The following ERC2 variants were observed in gnomAD, a reference collection of about 807,000 sequenced individuals.
The protein encoded by ERC2 is ERC protein 2.
ERC2 carries 42 observed loss-of-function variants against 114.8 expected under a neutral mutation model. The ratio of observed to expected loss-of-function variants is 0.37; its 90% CI spans 0.29 to 0.47. The LOEUF (loss-of-function observed/expected upper bound fraction) is 0.47, where lower values mean the gene tolerates loss of function less well. Among genes scored for constraint, ERC2 ranks in the 20% least tolerant of loss-of-function variants. The pLI, the probability that ERC2 is intolerant of heterozygous loss-of-function variation, is 0.99. For synonymous variants in ERC2, 454 were observed against 425.5 expected (o/e 1.07, Z -0.82); for missense variants, 939 against 1,150.7 (o/e 0.82, Z 2.66).
Position 55,961,866 on chromosome 3 carries a change from A to AG in ERC2, c.2268-11307_2268-11306insC, listed in dbSNP as rs1422603654. 3.2e-3 allele frequency among the ~76,000 whole-genome samples: 484 copies of AG among 151,176 alleles called. 3 individuals are homozygous for AG. Among genetic ancestry groups the AG allele is most frequent in the African/African-American group, 0.011 (464 of 41,252 alleles). The stretch of plus-strand genomic sequence containing the variant: ...ATGATACCCAGTCAAAAAAAAAAAA[A>AG]AAGCCACAAAAAACCTGGACTGATT... On this transcript the variant is annotated intron_variant, in intron 12 of 17. Transcript: ENST00000288221.
chr3:55,968,728 C>T (rs531834663), intron 12 of ERC2, among the ~76,000 whole-genome samples: 1 of 152,284 alleles, frequency 6.6e-6, no homozygotes, highest in South Asian at 2.1e-4. Flanking sequence ...CTGTGTAATT[C>T]TCATTAACAA....
At position 56,432,158 on chromosome 3, in the gene ERC2, G is replaced by A. The variant is rs181281938; in HGVS notation, c.657+2193C>T. 1.4e-3 allele frequency among the ~76,000 whole-genome samples: 206 copies of A among 152,244 alleles called. 1 individual carries two copies. Among genetic ancestry groups the A allele is most frequent in the Non-Finnish European group, 7.6e-4 (52 of 67,998 alleles). On this transcript the variant is annotated intron_variant, in intron 2 of 17. Transcript: ENST00000288221. The stretch of plus-strand genomic sequence containing the variant: ...TCTCATCCACATTTAATTCTTCGTG[G>A]ATGTCATAAAAGACACATAATACAC...
chr3:55,529,399 G>A (rs1478286396), intron 17 of ERC2, among the ~76,000 whole-genome samples: 2 of 152,146 alleles, frequency 1.3e-5, no homozygotes, highest in African/African-American at 2.4e-5. Context: ...GAAACTCTTA[G>A]AGGAAAGAGA....
chr3:56,370,969 C>T (rs1424538655), intron 2 of ERC2, among the ~76,000 whole-genome samples: 1 of 152,192 alleles, frequency 6.6e-6, no homozygotes, highest in East Asian at 1.9e-4. Context: ...CATAATGTTA[C>T]TTATTGTGTT....
At chr3:56,367,167 T>C (rs942691642) in intron 2 of ERC2, among the ~76,000 whole-genome samples, 2 of 152,024 alleles carry the variant, frequency 1.3e-5, no homozygotes, top group Non-Finnish European at 2.9e-5. Flanking sequence ...TCATCTTCAG[T>C]GGATACTCTA....
intron 14 of ERC2, among the ~76,000 whole-genome samples, chr3:55,799,462 T>TATATATGCCTTATATATATATGC (rs1553682552): frequency 3.9e-4 from 38 of 98,450 alleles, no homozygotes; most frequent in Middle Eastern, 6.3e-3. Context: ...TATATATATA[T>TATATATGCCTTATATATATATGC]ATATATATAT....
Position 56,434,982 on chromosome 3 carries a change from G to T in ERC2, c.26C>A (p.Thr9Asn). 1 of 1,611,554 alleles carries T rather than the reference G, an allele frequency of 6.2e-7. No individual in the cohort carries two copies. Among genetic ancestry groups the T allele is most frequent in the South Asian group, 1.1e-5 (1 of 91,010 alleles). ...TCTGGAAGGGCTACCTTCCAGATTG[G>T]TGATTGTTCTTGCACTTCCATACAT... The part of the protein sequence containing the change: MYGSARTI[T>N]NLEGSPSRSP... Residue 9 changes from threonine (T) to asparagine (N), a missense_variant, in exon 2 of 18, where the codon ACC (threonine) becomes AAC (asparagine). Around this residue, in one of 5 missense-constraint regions of ERC2, gnomAD observed 281 missense variants for 307.4 expected, o/e 0.91. Transcript: ENST00000288221.
At chr3:55,580,835 G>A (rs2057225618) in intron 17 of ERC2, among the ~76,000 whole-genome samples, 1 of 152,130 alleles carries the variant, frequency 6.6e-6, no homozygotes, top group East Asian at 1.9e-4. Flanking sequence ...AAACAAAATT[G>A]ACATTGAAAT....
rs550176723 is a variant in ERC2, at chr3:56,206,780, T to C, written c.1075-33260A>G. Among the ~76,000 whole-genome samples the C allele has an allele frequency of 1.7e-4, 26 of 152,338 alleles. No individual in the cohort carries two copies. In the East Asian group the frequency reaches 4.4e-3, roughly 26 times the overall value. On this transcript the variant is annotated intron_variant, in intron 3 of 17. Transcript: ENST00000288221. ...TCCCTTAGCTGTCCCCTTCCTCCCATTTGTGAACAGTGTATCCGTAGGATG... is the reference window on the plus strand; with the variant it reads ...TCCCTTAGCTGTCCCCTTCCTCCCACTTGTGAACAGTGTATCCGTAGGATG...
chr3:55,549,091 A>G (rs2107398451), intron 17 of ERC2, among the ~76,000 whole-genome samples: 1 of 152,350 alleles, frequency 6.6e-6, no homozygotes, highest in Non-Finnish European at 1.5e-5. Flanking sequence ...ATACTTATTT[A>G]TTACAGAAAA....
intron 12 of ERC2, 114 bp downstream of exon 12, chr3:55,985,863 G>A (rs138120724): frequency 5.6e-6 from 5 of 895,322 alleles, no homozygotes; most frequent in Non-Finnish European, 7.0e-6. Context: ...TGAGCGGGGG[G>A]AAATGCAGTG....
At chr3:56,323,120 G>A (rs891062673) in intron 2 of ERC2, among the ~76,000 whole-genome samples, 4 of 152,096 alleles carry the variant, frequency 2.6e-5, no homozygotes, top group African/African-American at 9.7e-5. Context: ...GACCAATCTT[G>A]GAATTTCCAG....
intron 17 of ERC2, among the ~76,000 whole-genome samples, chr3:55,653,314 G>A (rs2060718252): frequency 6.6e-6 from 1 of 151,992 alleles, no homozygotes; most frequent in Non-Finnish European, 1.5e-5. Context: ...CATTCAACAG[G>A]TAAGATAATA....
At chr3:55,960,932 C>T (rs757557695) in intron 12 of ERC2, among the ~76,000 whole-genome samples, 11 of 152,186 alleles carry the variant, frequency 7.2e-5, no homozygotes, top group African/African-American at 1.2e-4. Flanking sequence ...GTCAGGAGTT[C>T]GAGACAAGCC....
chr3:56,456,521 T>G (rs1040818735), intron 1 of ERC2, among the ~76,000 whole-genome samples: 1 of 152,192 alleles, frequency 6.6e-6, no homozygotes, highest in Non-Finnish European at 1.5e-5. Context: ...ATCTTGCTCT[T>G]TAATATAATC....
chr3:55,920,794 T>C (rs1233414682), intron 13 of ERC2, among the ~76,000 whole-genome samples: 1 of 152,118 alleles, frequency 6.6e-6, no homozygotes, highest in East Asian at 1.9e-4. Context: ...AATAATTGTA[T>C]GGCATTCATT....
intron 17 of ERC2, among the ~76,000 whole-genome samples, chr3:55,568,434 C>T (rs1332683126): frequency 6.6e-6 from 1 of 152,226 alleles, no homozygotes; most frequent in Admixed American, 6.5e-5. Context: ...CATTTGGCTT[C>T]TCCTGTAATC....
chr3:55,618,205 C>G (rs2059197129), intron 17 of ERC2, among the ~76,000 whole-genome samples: 1 of 151,864 alleles, frequency 6.6e-6, no homozygotes, highest in Non-Finnish European at 1.5e-5. Context: ...AGCTCTTTAC[C>G]TATTGGAGTT....
chr3:56,279,727 A>G (rs747033334), intron 3 of ERC2, among the ~76,000 whole-genome samples: 1 of 152,248 alleles, frequency 6.6e-6, no homozygotes, highest in Admixed American at 6.5e-5. Context: ...TCCTGAGAGT[A>G]GCATGAAGAA....
Sources: allele counts gnomAD v4.1 joint callset (sites outside exome capture counted in the v4.1 genomes callset), GRCh38; gene constraint gnomAD v4.1.1; regional missense constraint gnomAD v4.1.1; transcripts MANE v1.5; gene names NCBI Gene and HGNC (gene_info 2026-07-23, HGNC 2026-07-21).